The following MAP2K7 variants were observed in gnomAD, a reference collection of about 807,000 sequenced individuals.
MAP2K7 encodes the protein dual specificity mitogen-activated protein kinase kinase 7.
Under a neutral mutation model 47.7 loss-of-function variants are expected in MAP2K7, and 12 were observed. That is an observed-to-expected ratio of 0.25 (90% CI 0.16 to 0.41). The LOEUF is 0.41. MAP2K7 is among the 10% of genes least tolerant of loss of function. The probability of loss-of-function intolerance (pLI) is 1.00; values close to 1 mark genes in which losing one functional copy is unlikely to be tolerated. For missense variants in MAP2K7, 415 were observed against 600.3 expected, an observed-to-expected ratio of 0.69 and a Z score of 3.23; for synonymous variants, 299 against 243.0, an observed-to-expected ratio of 1.23 and a Z score of -2.14.
rs762319698 is a variant in MAP2K7 at position 7,911,042 on chromosome 19, C to T, written c.738C>T (p.Pro246=). The change falls in exon 7 of 11, where the codon CCC becomes CCT. Residue 246 remains proline, a synonymous_variant. Coordinates refer to ENST00000397979, the MANE Select transcript of MAP2K7 (RefSeq NM_145185.4). ...KHGVIHRDVK[P]SNILLDERGQ... ...GTGTCATCCACCGCGACGTCAAGCCCTCCAACATCCTGCTGGACGAGCGGG... is the reference window on the plus strand; with the variant it reads ...GTGTCATCCACCGCGACGTCAAGCCTTCCAACATCCTGCTGGACGAGCGGG... 11 of 1,612,726 alleles carry T rather than the reference C, an allele frequency of 6.8e-6. No homozygotes were observed. Among genetic ancestry groups the T allele is most frequent in the African/African-American group, 1.3e-5 (1 of 74,932 alleles).
intron 1 of MAP2K7, among the ~76,000 whole-genome samples, chr19:7,905,269 C>T (rs201102704): frequency 6.6e-6 from 1 of 151,834 alleles, no homozygotes; most frequent in Non-Finnish European, 1.5e-5. Context: ...AAGGTACCCC[C>T]GTATCTGGGC....
intron 1 of MAP2K7, chr19:7,905,959 C>G (rs41284494): frequency 0.058 from 56,914 of 981,028 alleles, 3,837 homozygotes; most frequent in South Asian, 0.23. Context: ...CTGTGTGTGT[C>G]CCCATGTCCC....
rs567980002 is a variant in MAP2K7 at position 7,911,507 on chromosome 19, A to C, written c.1008A>C (p.Leu336=). The C allele has an allele frequency of 2.5e-6, 4 of 1,613,098 alleles. No homozygotes were observed. Among genetic ancestry groups the C allele is most frequent in the African/African-American group, 1.3e-5 (1 of 75,010 alleles). Residue 336 remains leucine (L), a synonymous_variant, in exon 9 of 11, where the codon CTA becomes CTC. Coordinates refer to ENST00000397979, the MANE Select transcript of MAP2K7 (RefSeq NM_145185.4). ...KTDFEVLTKV[L]QEEPPLLPGH... is the part of the protein sequence containing the mutation. ...ACTTTGAGGTCCTCACCAAAGTCCT[A>C]CAGGAAGAGCCCCCGCTTCTGCCCG...
intron 1 of MAP2K7, chr19:7,905,787 T>A: frequency 6.2e-7 from 1 of 1,608,034 alleles, no homozygotes; most frequent in Non-Finnish European, 8.5e-7. Flanking sequence ...TGTTGTTTTT[T>A]TCTTCCTTTT....
At chr19:7,904,157 C>T (rs1009331078) in intron 1 of MAP2K7, 89 bp downstream of exon 1, 14 of 1,082,902 alleles carry the variant, frequency 1.3e-5, no homozygotes, top group Admixed American at 4.7e-5. Flanking sequence ...GGCCCCGCCC[C>T]CGCTTCCGGG....
Position 7,911,177 on chromosome 19 carries a change from A to G in MAP2K7, c.855+18A>G, listed in dbSNP as rs759217286. On this transcript the variant is annotated intron_variant, in intron 7 of 10. Coordinates refer to ENST00000397979, the MANE Select transcript of MAP2K7 (RefSeq NM_145185.4). ...ACATGGCAGTGAGTGGGGGCCCCCC[A>G]GCGGGGGAGGGGGTGGGGGCTGGGA... 9.5e-6 allele frequency: 14 copies of G among 1,480,878 alleles called. No individual in the cohort carries two copies. The highest frequency in any genetic ancestry group is 1.7e-5 in the Admixed American group (1 of 58,548). 91.7% of individuals were successfully genotyped at this position (1,480,878 alleles called of 1,614,324 possible).
chr19:7,910,473 CAAG>C lies in MAP2K7; in HGVS notation c.469_471del (p.Lys157del), dbSNP rs1162182810. 2.5e-6 allele frequency: 4 copies of C among 1,610,600 alleles called. No individual in the cohort carries two copies. Among genetic ancestry groups the C allele is most frequent in the Non-Finnish European group, 3.4e-6 (4 of 1,178,704 alleles). ...TGCAGCAAATGCGGCGCTCCGGGAA[CAAG>C]GAGGAGAACAAGCGCATCCTCATGG... On this transcript the variant is annotated inframe_deletion, in exon 5 of 11. Coordinates refer to ENST00000397979, the MANE Select transcript of MAP2K7 (RefSeq NM_145185.4).
intron 1 of MAP2K7, chr19:7,904,458 C>G (rs913513293): frequency 2.6e-6 from 1 of 378,858 alleles, no homozygotes; most frequent in Non-Finnish European, 5.3e-6. Context: ...CAGGGACTGT[C>G]TGGCGCCCCC....
Position 7,912,386 on chromosome 19 carries a change from G to T in MAP2K7, c.1215G>T (p.Arg405=). 1 of 1,612,988 alleles carries T rather than the reference G, an allele frequency of 6.2e-7. No individual in the cohort carries two copies. The highest frequency in any genetic ancestry group is 8.5e-7 in the Non-Finnish European group (1 of 1,179,988). The stretch of plus-strand genomic sequence containing the variant: ...TCATGGCGAAGACTGAGTCACCGCG[G>T]ACTAGCGGCGTCCTGAGCCAGCCCC... ...KDVMAKTESP[R]TSGVLSQPHL... is the part of the protein sequence containing the mutation. The change falls in exon 11 of 11, where the codon CGG becomes CGT. Residue 405 remains arginine, a synonymous_variant. Coordinates refer to ENST00000397979, the MANE Select transcript of MAP2K7 (RefSeq NM_145185.4).
At chr19:7,908,164 C>CAA (rs879174307) in intron 1 of MAP2K7, among the ~76,000 whole-genome samples, 7,500 of 129,086 alleles carry the variant, frequency 0.058, 238 homozygotes, top group Non-Finnish European at 0.079. Flanking sequence ...GAACCTATCT[C>CAA]AAAAAAAAAA....
In MAP2K7 at chr19:7,913,440, G is replaced by C. The variant is rs577898704; in HGVS notation, c.*1009G>C. 6.5e-6 allele frequency: 1 copy of C among 152,760 alleles called. No individual in the cohort carries two copies. Among genetic ancestry groups the C allele is most frequent in the African/African-American group, 2.4e-5 (1 of 41,362 alleles). 9.5% of individuals were successfully genotyped at this position (152,760 alleles called of 1,614,324 possible). A position where few individuals can be genotyped will look rare whatever the true frequency, so the allele number is the denominator to read the frequency against. ...CGGAGCGGGGCCAAGGGAGGGGTCCGGAGGGAGTCAGGGATGGAGGGCAGA... is the reference window on the plus strand; with the variant it reads ...CGGAGCGGGGCCAAGGGAGGGGTCCCGAGGGAGTCAGGGATGGAGGGCAGA... On this transcript the variant is annotated 3_prime_UTR_variant, in exon 11 of 11. Transcript: ENST00000397979.
Position 7,910,058 on chromosome 19 carries a change from C to A in MAP2K7, c.267-5C>A. The A allele has an allele frequency of 6.3e-7, 1 of 1,599,402 alleles. No individual in the cohort carries two copies. The highest frequency in any genetic ancestry group is 8.5e-7 in the Non-Finnish European group (1 of 1,174,022). On this transcript the variant is annotated splice_polypyrimidine_tract_variant and splice_region_variant and intron_variant, in intron 2 of 10. Transcript: ENST00000397979. ...CCTCCACCGGCACCTGCTCCATGTC[C>A]CCAGCATTGAGATTGACCAGAAGCT...
At chr19:7,910,867 C>T (rs1053903065) in intron 6 of MAP2K7, 64 bp downstream of exon 6, 40 of 1,568,388 alleles carry the variant, frequency 2.6e-5, no homozygotes, top group Admixed American at 1.4e-4. Flanking sequence ...CCAGGCGGGG[C>T]GTGCACTGGG....
chr19:7,904,100 CG>C, intron 1 of MAP2K7, 32 bp downstream of exon 1: 1 of 15,392 alleles, frequency 6.5e-5, no homozygotes, highest in Non-Finnish European at 1.1e-4. Context: ...AGGGGGCGGG[CG>C]GGCGGGGCGG....
chr19:7,910,186 C>G (rs769814538), intron 3 of MAP2K7, 57 bp downstream of exon 3: 5 of 1,596,822 alleles, frequency 3.1e-6, no homozygotes, highest in Non-Finnish European at 4.3e-6. Context: ...TGGACCCATC[C>G]TGGGAGCGCC....
chr19:7,907,268 G>A (rs948034452), intron 1 of MAP2K7, among the ~76,000 whole-genome samples: 1 of 152,186 alleles, frequency 6.6e-6, no homozygotes, highest in African/African-American at 2.4e-5. Context: ...CGCCTGTGTT[G>A]GGAGAGAGAG....
rs767260054 is a variant in MAP2K7 at position 7,910,262 on chromosome 19, C to T, written c.336C>T (p.Arg112=). 1.2e-6 allele frequency: 2 copies of T among 1,613,010 alleles called. No individual in the cohort carries two copies. The highest frequency in any genetic ancestry group is 2.2e-5 in the South Asian group (2 of 91,058). ...QTGYLTIGGQ[R]YQAEINDLEN... Reference sequence around the variant, plus strand: ...TCCAACCCTCCCTCTCCTCCCAGCGCTACCAGGCAGAAATCAACGACCTGG... The same window carrying T: ...TCCAACCCTCCCTCTCCTCCCAGCGTTACCAGGCAGAAATCAACGACCTGG... The change falls in exon 4 of 11, where the codon CGC becomes CGT. Residue 112 remains arginine (R), a splice_region_variant and synonymous_variant. Coordinates refer to ENST00000397979, the MANE Select transcript of MAP2K7 (RefSeq NM_145185.4).
At position 7,911,594 on chromosome 19, in the gene MAP2K7, C is replaced by T. The variant is rs372592307; in HGVS notation, c.1079+16C>T. 510 of 1,570,764 alleles carry T rather than the reference C, an allele frequency of 3.2e-4. No homozygotes were observed. The highest frequency in any genetic ancestry group is 4.2e-4 in the Non-Finnish European group (484 of 1,155,942). On this transcript the variant is annotated intron_variant, in intron 9 of 10. Transcript: ENST00000397979. ...TCAAAGACTGGTGAGAACCTCCCTC[C>T]ACTTGGGAGGTCAGGGACAGCCCGC... is the stretch of plus-strand genomic sequence containing the variant.
rs767899243 is a variant in MAP2K7 at position 7,910,760 on chromosome 19, A to G, written c.632A>G (p.Gln211Arg). ...GCTGAGAAGCTCAAGAAGCGGATGCAGGGCCCCATCCCCGAGCGCATTCTG... is the reference window on the plus strand; with the variant it reads ...GCTGAGAAGCTCAAGAAGCGGATGCGGGGCCCCATCCCCGAGCGCATTCTG... Reference protein sequence around the residue: ...TCAEKLKKRMQGPIPERILGK... With the variant: ...TCAEKLKKRMRGPIPERILGK... Residue 211 changes from glutamine to arginine, a missense_variant, in exon 6 of 11, where the codon CAG (glutamine) becomes CGG (arginine). By Grantham distance (43) the Gln-to-Arg change is conservative. Transcript: ENST00000397979. The G allele has an allele frequency of 1.2e-6, 2 of 1,611,410 alleles. No individual in the cohort carries two copies.
Sources: gnomAD v4.1 joint callset for allele counts (sites outside exome capture counted in the v4.1 genomes callset) on GRCh38, gnomAD v4.1.1 for gene constraint, MANE v1.5 for transcripts, NCBI Gene and HGNC (gene_info 2026-07-23, HGNC 2026-07-21) for gene names.